NRG3: variants seen among roughly 807,000 people sequenced by gnomAD.
The protein encoded by NRG3 is pro-neuregulin-3, membrane-bound isoform.
In NRG3, 31 loss-of-function variants were observed where a neutral mutation model predicts 66.9. That is an observed-to-expected ratio of 0.46 (90% confidence interval 0.35 to 0.63). The LOEUF (loss-of-function observed/expected upper bound fraction) is 0.63, where lower values mean the gene tolerates loss of function less well. Among genes scored for constraint, NRG3 ranks in the 20% least tolerant of loss-of-function variants. The probability of loss-of-function intolerance (pLI) is 0.00; values close to 1 mark genes in which losing one functional copy is unlikely to be tolerated. For missense variants in NRG3, 910 were observed against 878.9 expected, an observed-to-expected ratio of 1.04 and a Z score of -0.45; for synonymous variants, 393 against 359.4, an observed-to-expected ratio of 1.09 and a Z score of -1.06.
chr10:82,066,508 C>T (rs1403053995), intron 1 of NRG3, among the ~76,000 whole-genome samples: 1 of 152,048 alleles, frequency 6.6e-6, no homozygotes, highest in Admixed American at 6.6e-5. Flanking sequence ...GGCAAGGGAC[C>T]CTCATTTTGG....
At chr10:82,136,216 C>G (rs920476397) in intron 1 of NRG3, among the ~76,000 whole-genome samples, 1 of 152,300 alleles carries the variant, frequency 6.6e-6, no homozygotes, top group East Asian at 1.9e-4. Flanking sequence ...TCATTCTCCT[C>G]TGTGCTGAGC....
chr10:82,108,357 A>G (rs2067190640), intron 1 of NRG3, among the ~76,000 whole-genome samples: 1 of 152,136 alleles, frequency 6.6e-6, no homozygotes, highest in Non-Finnish European at 1.5e-5. Flanking sequence ...ATTGATTTAT[A>G]GTGTTTTGTC....
At chr10:82,317,730 G>A (rs2135086597) in intron 1 of NRG3, among the ~76,000 whole-genome samples, 1 of 152,316 alleles carries the variant, frequency 6.6e-6, no homozygotes, top group South Asian at 2.1e-4. Context: ...AAAATAATGA[G>A]ACAAGTCTCA....
At chr10:82,761,276 C>A (rs898308751) in intron 3 of NRG3, among the ~76,000 whole-genome samples, 5 of 151,946 alleles carry the variant, frequency 3.3e-5, no homozygotes, top group African/African-American at 1.2e-4. Context: ...ATCTGTGGAA[C>A]CCTTCTAAAT....
chr10:82,873,430 A>G (rs1841522850), intron 4 of NRG3, among the ~76,000 whole-genome samples: 1 of 152,210 alleles, frequency 6.6e-6, no homozygotes, highest in South Asian at 2.1e-4. Flanking sequence ...ATCAAGAGAT[A>G]TAATTGACAG....
intron 3 of NRG3, among the ~76,000 whole-genome samples, chr10:82,804,357 GT>G (rs1755700500): frequency 6.6e-6 from 1 of 152,304 alleles, no homozygotes; most frequent in Non-Finnish European, 1.5e-5. Flanking sequence ...AGCTGCAAAG[GT>G]TTTGGCTACA....
chr10:82,102,733 C>G (rs887830300), intron 1 of NRG3, among the ~76,000 whole-genome samples: 3 of 151,654 alleles, frequency 2.0e-5, no homozygotes, highest in African/African-American at 4.8e-5. Context: ...AAGTTAATAC[C>G]TTTTTTTACT....
At chr10:82,905,245 C>A (rs766724194) in intron 4 of NRG3, among the ~76,000 whole-genome samples, 1 of 152,124 alleles carries the variant, frequency 6.6e-6, no homozygotes, top group East Asian at 1.9e-4. Flanking sequence ...ATGGTTCACA[C>A]TGGCCTTGTA....
intron 2 of NRG3, among the ~76,000 whole-genome samples, chr10:82,406,755 T>C (rs144652701): frequency 6.6e-6 from 1 of 152,278 alleles, no homozygotes; most frequent in East Asian, 1.9e-4. Flanking sequence ...AAAAATTGTC[T>C]AATCCCATGA....
intron 1 of NRG3, among the ~76,000 whole-genome samples, chr10:82,192,746 G>T (rs951515129): frequency 6.6e-6 from 1 of 152,134 alleles, no homozygotes; most frequent in Non-Finnish European, 1.5e-5. Flanking sequence ...GAGGCATGAA[G>T]CTTAAAATCT....
intron 1 of NRG3, among the ~76,000 whole-genome samples, chr10:82,001,522 A>AAAAGAT (rs2061166440): frequency 6.6e-6 from 1 of 152,046 alleles, no homozygotes; most frequent in African/African-American, 2.4e-5. Context: ...AAGAAAAAGA[A>AAAAGAT]AAAAGGGGAA....
chr10:82,652,139 G>A (rs975096653), intron 2 of NRG3, among the ~76,000 whole-genome samples: 10 of 152,270 alleles, frequency 6.6e-5, no homozygotes, highest in Admixed American at 4.6e-4. Flanking sequence ...CAGGAGCCAG[G>A]ATGAGCGCTT....
intron 1 of NRG3, among the ~76,000 whole-genome samples, chr10:82,340,001 C>T (rs1336120762): frequency 6.6e-6 from 1 of 151,970 alleles, no homozygotes; most frequent in Admixed American, 6.6e-5. Context: ...ATAACTTTTC[C>T]GGTCAGCCAG....
At chr10:82,667,044 C>T (rs2052845802) in intron 2 of NRG3, among the ~76,000 whole-genome samples, 1 of 152,178 alleles carries the variant, frequency 6.6e-6, no homozygotes, top group South Asian at 2.1e-4. Flanking sequence ...AAGCAGAGTT[C>T]TGTGTTTCTG....
At chr10:82,199,181 A>G (rs935381602) in intron 1 of NRG3, among the ~76,000 whole-genome samples, 4 of 151,128 alleles carry the variant, frequency 2.6e-5, no homozygotes, top group African/African-American at 9.7e-5. Flanking sequence ...GGAAAAAAAA[A>G]AAAAAGAAAA....
rs557213237 is a variant in NRG3 at position 82,468,077 on chromosome 10, A to G, written c.953+109209A>G. On this transcript the variant is annotated intron_variant, in intron 2 of 8. Coordinates refer to ENST00000372141, the MANE Select transcript of NRG3 (RefSeq NM_001010848.4). ...TCAATTTGAGACTTCAGAATAACCT[A>G]TGAAGTATTAGTGTCCTCTTTATAT... 1.0e-3 allele frequency among the ~76,000 whole-genome samples: 158 copies of G among 152,320 alleles called. 1 individual carries two copies. The highest frequency in any genetic ancestry group is 3.4e-3 in the African/African-American group (143 of 41,576).
At chr10:82,437,581 T>G (rs2090208016) in intron 2 of NRG3, among the ~76,000 whole-genome samples, 1 of 152,156 alleles carries the variant, frequency 6.6e-6, no homozygotes, top group Admixed American at 6.5e-5. Flanking sequence ...GTGCCCTTGA[T>G]GGAGAGATGT....
intron 4 of NRG3, 89 bp downstream of exon 4, chr10:82,865,526 T>A: frequency 1.5e-6 from 2 of 1,327,392 alleles, no homozygotes; most frequent in South Asian, 2.7e-5. Context: ...CTGGTTATAA[T>A]TGAAATGTCT....
chr10:82,199,280 A>G (rs1247994984), intron 1 of NRG3, among the ~76,000 whole-genome samples: 1 of 152,066 alleles, frequency 6.6e-6, no homozygotes, highest in Non-Finnish European at 1.5e-5. Flanking sequence ...ATTGCCTATT[A>G]TGATGTATAA....
Sources: gnomAD v4.1 joint callset for allele counts (sites outside exome capture counted in the v4.1 genomes callset) on GRCh38, gnomAD v4.1.1 for gene constraint, MANE v1.5 for transcripts, NCBI Gene and HGNC (gene_info 2026-07-23, HGNC 2026-07-21) for gene names.